CD99L2: variants seen among roughly 807,000 people sequenced by gnomAD.
CD99L2 encodes CD99 antigen-like protein 2.
A neutral mutation model predicts 27.3 loss-of-function variants in CD99L2; 24 were observed. That is an observed-to-expected ratio of 0.88 (90% CI 0.64 to 1.24). The LOEUF is 1.24. Ranked by LOEUF, CD99L2 falls within the 50% of genes most tolerant of loss-of-function variation. The pLI, the probability that CD99L2 is intolerant of heterozygous loss-of-function variation, is 0.00. For synonymous variants in CD99L2, 97 were observed against 87.9 expected (o/e 1.10, Z -0.58); for missense variants, 255 against 221.6 (o/e 1.15, Z -0.96).
intron 1 of CD99L2, among the ~76,000 whole-genome samples, chrX:150,873,575 A>T (rs1322762669): frequency 8.9e-6 from 1 of 111,964 alleles, no homozygotes; most frequent in Non-Finnish European, 1.9e-5. Flanking sequence ...TTATATCTCA[A>T]TTTTTTTAAA....
intron 1 of CD99L2, among the ~76,000 whole-genome samples, chrX:150,846,340 A>G (rs1365810769): frequency 1.8e-5 from 2 of 112,140 alleles, no homozygotes; most frequent in Non-Finnish European, 3.8e-5. Flanking sequence ...ACACATGAGG[A>G]TATCGGCACT....
chrX:150,868,000 T>C (rs1464844062), intron 1 of CD99L2, among the ~76,000 whole-genome samples: 1 of 103,924 alleles, frequency 9.6e-6, no homozygotes, highest in East Asian at 3.0e-4. Context: ...GAAAACAGCT[T>C]GAGCCAGGGA....
intron 4 of CD99L2, among the ~76,000 whole-genome samples, chrX:150,808,803 G>A (rs1329792480): frequency 9.0e-6 from 1 of 111,358 alleles, no homozygotes; most frequent in Non-Finnish European, 1.9e-5. Flanking sequence ...GACACTACAG[G>A]CAGCAGAAAT....
intron 1 of CD99L2, among the ~76,000 whole-genome samples, chrX:150,845,740 C>A (rs1198966474): frequency 8.9e-6 from 1 of 111,913 alleles, no homozygotes; most frequent in East Asian, 2.8e-4. Context: ...CTCCTCCTCC[C>A]ATGGTATAAG....
At chrX:150,786,188 T>G (rs2045591270) in intron 7 of CD99L2, among the ~76,000 whole-genome samples, 1 of 111,333 alleles carries the variant, frequency 9.0e-6, no homozygotes, top group South Asian at 3.8e-4. Context: ...TGGTTTGATT[T>G]GTATTTCCCC....
At chrX:150,769,354 AGCG>A (rs2043372415) in intron 10 of CD99L2, among the ~76,000 whole-genome samples, 3 of 112,325 alleles carry the variant, frequency 2.7e-5, no homozygotes, top group Non-Finnish European at 5.6e-5. Context: ...TGTTCCTGCC[AGCG>A]CTGCTGGAAG....
intron 7 of CD99L2, among the ~76,000 whole-genome samples, chrX:150,781,117 T>C (rs959910121): frequency 2.5e-4 from 28 of 112,125 alleles, no homozygotes; most frequent in African/African-American, 9.1e-4. Context: ...TGTACAAAAA[T>C]AGGGTCCTGG....
intron 2 of CD99L2, chrX:150,829,643 C>A: frequency 4.2e-6 from 1 of 240,087 alleles, no homozygotes; most frequent in Non-Finnish European, 7.8e-6. Flanking sequence ...CTAAGGATTT[C>A]AATACACATT....
chrX:150,768,929 G>C lies in CD99L2; in HGVS notation c.*105C>G. 9.3e-7 allele frequency: 1 copy of C among 1,072,003 alleles called. No homozygotes were observed. Among genetic ancestry groups the C allele is most frequent in the Non-Finnish European group, 1.2e-6 (1 of 836,593 alleles). The allele number at this position is 1,072,003 out of a possible 1,213,427, so 88.3% of individuals were successfully genotyped here. A position where few individuals can be genotyped will look rare whatever the true frequency, so the allele number is the denominator to read the frequency against. ...GGGAAACTCAGACCAACAAGGAGCC[G>C]ATGGCACAGAGCAGCACAGCAGCTG... On this transcript the variant is annotated 3_prime_UTR_variant, in exon 11 of 11. Transcript: ENST00000370377.
chrX:150,892,808 G>T (rs1302831606), intron 1 of CD99L2, among the ~76,000 whole-genome samples: 1 of 109,539 alleles, frequency 9.1e-6, no homozygotes, highest in Non-Finnish European at 1.9e-5. Flanking sequence ...ACTCCTGGAT[G>T]GTTTCTGTGC....
chrX:150,862,836 AAGAG>A (rs368518966), intron 1 of CD99L2, among the ~76,000 whole-genome samples: 83 of 106,123 alleles, frequency 7.8e-4, no homozygotes, highest in East Asian at 1.2e-3. Flanking sequence ...AAGAAAGAGA[AAGAG>A]AGAGAGAGAG....
chrX:150,883,188 TCAAAAACAAAAA>T (rs1322423787), intron 1 of CD99L2, among the ~76,000 whole-genome samples: 2 of 110,945 alleles, frequency 1.8e-5, no homozygotes, highest in African/African-American at 6.6e-5. Flanking sequence ...AAACTCCATC[TCAAAAACAAAAA>T]CAAAAACAAA....
At chrX:150,812,918 C>T (rs1603296993) in intron 4 of CD99L2, among the ~76,000 whole-genome samples, 1 of 111,831 alleles carries the variant, frequency 8.9e-6, no homozygotes, top group East Asian at 2.8e-4. Context: ...ATGAAAAAGG[C>T]CAATTCCAAA....
At chrX:150,837,179 G>A (rs1284280109) in intron 1 of CD99L2, among the ~76,000 whole-genome samples, 1 of 111,867 alleles carries the variant, frequency 8.9e-6, no homozygotes, top group Admixed American at 9.5e-5. Flanking sequence ...TGATTTGACT[G>A]GGACAGAAAA....
rs2043315121 is a variant in CD99L2 at position 150,766,515 on chromosome X, C to G, written c.*2519G>C. On this transcript the variant is annotated 3_prime_UTR_variant, in exon 11 of 11. Coordinates refer to ENST00000370377, the MANE Select transcript of CD99L2 (RefSeq NM_031462.4). ...CCCAGAGCCTCCCCTCTGGGTCCCA[C>G]CCCAGAAGCCACGCACACCTCCTTC... 9.0e-6 allele frequency: 1 copy of G among 111,595 alleles called. No individual in the cohort carries two copies. The highest frequency in any genetic ancestry group is 3.3e-5 in the African/African-American group (1 of 30,580). The allele number at this position is 111,595 out of a possible 1,213,427, so 9.2% of individuals were successfully genotyped here.
chrX:150,880,087 T>C (rs1322341242), intron 1 of CD99L2, among the ~76,000 whole-genome samples: 1 of 111,746 alleles, frequency 8.9e-6, no homozygotes, highest in Non-Finnish European at 1.9e-5. Flanking sequence ...ATAGAGAAAC[T>C]GGAACCTTCC....
intron 1 of CD99L2, among the ~76,000 whole-genome samples, chrX:150,869,948 T>A (rs1349091434): frequency 9.0e-6 from 1 of 111,434 alleles, no homozygotes; most frequent in African/African-American, 3.3e-5. Context: ...TCCCCACTGC[T>A]GGTGAGGCAT....
chrX:150,782,440 A>G (rs1438178965), intron 7 of CD99L2, among the ~76,000 whole-genome samples: 1 of 111,219 alleles, frequency 9.0e-6, no homozygotes, highest in Non-Finnish European at 1.9e-5. Context: ...CCCTCCCTCT[A>G]GGTAATATAA....
chrX:150,888,080 T>C (rs1557422681), intron 1 of CD99L2, among the ~76,000 whole-genome samples: 1 of 111,957 alleles, frequency 8.9e-6, no homozygotes, highest in African/African-American at 3.3e-5. Flanking sequence ...TGTTCTCACT[T>C]TGAATCCAGA....
Sources: allele counts gnomAD v4.1 joint callset (sites outside exome capture counted in the v4.1 genomes callset), GRCh38; gene constraint gnomAD v4.1.1; transcripts MANE v1.5; gene names NCBI Gene and HGNC (gene_info 2026-07-23, HGNC 2026-07-21).